KMT2D: variants seen among roughly 807,000 people sequenced by gnomAD.
KMT2D encodes lysine methyltransferase 2D, also known as histone-lysine N-methyltransferase 2D.
KMT2D carries 55 observed loss-of-function variants against 512.7 expected under a neutral mutation model. The ratio of observed to expected loss-of-function variants is 0.11; its 90% confidence interval spans 0.09 to 0.13. The LOEUF (loss-of-function observed/expected upper bound fraction) is 0.13, where lower values mean the gene tolerates loss of function less well. KMT2D is among the 10% of genes least tolerant of loss of function. The pLI, the probability that KMT2D is intolerant of heterozygous loss-of-function variation, is 1.00. For missense variants in KMT2D, 6,061 were observed against 7,127.9 expected (o/e 0.85, Z 5.39); for synonymous variants, 2,995 against 2,904.0 (o/e 1.03, Z -1.01).
intron 35 of KMT2D, 32 bp from the exon 36 acceptor site, chr12:49,034,967 AT>A: frequency 6.2e-7 from 1 of 1,612,434 alleles, no homozygotes. Context: ...GAGCTGGGCT[AT>A]GGGGCCAATG....
In KMT2D at chr12:49,046,424, C is replaced by A. The variant is rs767466146; in HGVS notation, c.4419G>T (p.Trp1473Cys). The change falls in exon 17 of 55, where the codon TGG becomes TGT. Residue 1473 changes from tryptophan (W) to cysteine (C), a missense_variant and splice_region_variant. Trp to Cys is a radical substitution (Grantham distance 215, BLOSUM62 -2). Transcript: ENST00000301067. The surrounding 1 kb of genome is among the most constrained non-coding windows in gnomAD (Gnocchi z 4.2). ...TVPKGGWKCK[W>C]CVSCMQCGAA... is the part of the protein sequence containing the mutation. ...CCCCACACTGCATACAGGACACACA[C>A]CTGATAGGAGCAGGAAAACAGAGCT... 2 of 1,613,368 alleles carry A rather than the reference C, an allele frequency of 1.2e-6. No homozygotes were observed. The highest frequency in any genetic ancestry group is 3.3e-5 in the Admixed American group (2 of 60,000).
At position 49,041,639 on chromosome 12, in the gene KMT2D, G is replaced by A. The variant is rs757184867; in HGVS notation, c.6234+16C>T. On this transcript the variant is annotated intron_variant, in intron 31 of 54. Transcript: ENST00000301067. This position sits in a 1 kb window ranked among gnomAD's most constrained non-coding sequence, Gnocchi z 5.4. ...CCCACTAGAGGACTGCTACACCCCA[G>A]CCCAGCCCCACTCACCTTCTGCACC... is the stretch of plus-strand genomic sequence containing the variant. 1.9e-5 allele frequency: 30 copies of A among 1,613,438 alleles called. No homozygotes were observed. The highest frequency in any genetic ancestry group is 2.5e-5 in the Non-Finnish European group (29 of 1,179,582).
At chr12:49,053,126 G>A (rs1442109235) in intron 8 of KMT2D, 54 bp from the exon 9 acceptor site, 9 of 1,612,392 alleles carry the variant, frequency 5.6e-6, no homozygotes, top group African/African-American at 1.3e-5. Context: ...AAGACTAAAC[G>A]AAAGTACACA....
At chr12:49,048,977 G>C in intron 13 of KMT2D, 128 bp downstream of exon 13, 1 of 720,454 alleles carries the variant, frequency 1.4e-6, no homozygotes, top group Non-Finnish European at 2.4e-6. Context: ...CAAGTGGACA[G>C]GAATTCAGAC....
rs1304886930 is a variant in KMT2D at position 49,033,837 on chromosome 12, T to C, written c.10868A>G (p.Gln3623Arg). 1 of 1,569,390 alleles carries C rather than the reference T, an allele frequency of 6.4e-7. No individual in the cohort carries two copies. Among genetic ancestry groups the C allele is most frequent in the Admixed American group, 1.9e-5 (1 of 52,848 alleles). ...GAGCTTGGTGAGCAGCCGGGGACTCTGGGAAGGGCTGAGAGCCAGCACAGC... is the reference window on the plus strand; with the variant it reads ...GAGCTTGGTGAGCAGCCGGGGACTCCGGGAAGGGCTGAGAGCCAGCACAGC... The part of the protein sequence containing the change: ...HSAVLALSPS[Q>R]SPRLLTKLPG... The change falls in exon 40 of 55, where the codon CAG becomes CGG. Residue 3623 changes from glutamine (Q) to arginine (R), a missense_variant. Transcript: ENST00000301067.
At position 49,040,754 on chromosome 12, in the gene KMT2D, T is replaced by C. The variant is rs1460036894; in HGVS notation, c.7016A>G (p.Glu2339Gly). The C allele has an allele frequency of 1.2e-6, 2 of 1,613,430 alleles. No homozygotes were observed. Among genetic ancestry groups the C allele is most frequent in the Non-Finnish European group, 1.7e-6 (2 of 1,179,676 alleles). The change falls in exon 32 of 55, where the codon GAG becomes GGG. Residue 2339 changes from glutamate to glycine, a missense_variant. Coordinates refer to ENST00000301067, the MANE Select transcript of KMT2D (RefSeq NM_003482.4). ...APLTPRASQV[E>G]PQSPGLGLRP... Reference sequence around the variant, plus strand: ...TAGGCCCAAGCCCGGGCTCTGGGGCTCTACCTGAGATGCCCGAGGGGTCAG... The same window carrying C: ...TAGGCCCAAGCCCGGGCTCTGGGGCCCTACCTGAGATGCCCGAGGGGTCAG...
chr12:49,039,452 G>A lies in KMT2D; in HGVS notation c.8212C>T (p.Pro2738Ser), dbSNP rs1257307993. 1 of 1,600,678 alleles carries A rather than the reference G, an allele frequency of 6.2e-7. No individual in the cohort carries two copies. Residue 2738 changes from proline (P) to serine (S), a missense_variant, in exon 33 of 55, where the codon CCC (proline) becomes TCC (serine). Physicochemically the swap from Pro to Ser is moderately conservative, Grantham distance 74. Around this residue, in one of 16 missense-constraint regions of KMT2D, gnomAD observed 527 missense variants for 578.9 expected, o/e 0.91. Transcript: ENST00000301067. The surrounding 1 kb of genome is among the most constrained non-coding windows in gnomAD (Gnocchi z 5.0). ...AFEQLSRGQT[P>S]FAGTQDKSSL... Reference sequence around the variant, plus strand: ...CTACCTACCTGTGTCCCAGCAAAGGGGGTCTGGCCTCGACTCAGCTGCTCA... The same window carrying A: ...CTACCTACCTGTGTCCCAGCAAAGGAGGTCTGGCCTCGACTCAGCTGCTCA...
intron 41 of KMT2D, 21 bp downstream of exon 41, chr12:49,030,872 G>T (rs1273818761): frequency 8.7e-6 from 14 of 1,613,428 alleles, no homozygotes; most frequent in Non-Finnish European, 1.2e-5. Context: ...GGACCAGGGG[G>T]ACTGTCTCCT....
At chr12:49,030,208 T>C (rs929516311) in intron 43 of KMT2D, 72 bp downstream of exon 43, 7 of 1,346,900 alleles carry the variant, frequency 5.2e-6, no homozygotes, top group Admixed American at 2.0e-5. Flanking sequence ...ATTTCTAAAC[T>C]GTACAGCATA....
Position 49,046,165 on chromosome 12 carries a change from A to G in KMT2D, c.4593T>C (p.His1531=), listed in dbSNP as rs757074598. The change falls in exon 18 of 55, where the codon CAT becomes CAC. Residue 1531 remains histidine, a synonymous_variant. Coordinates refer to ENST00000301067, the MANE Select transcript of KMT2D (RefSeq NM_003482.4). The surrounding 1 kb of genome is among the most constrained non-coding windows in gnomAD (Gnocchi z 4.2). The part of the protein sequence containing the change: ...IQCRHCERWM[H]AGCESLFTED... ...CTGTGAAGAGGCTCTCACAGCCTGC[A>G]TGCATCCACCTGGAGAACAGAGACT... The G allele has an allele frequency of 2.0e-5, 33 of 1,611,622 alleles. No homozygotes were observed. The highest frequency in any genetic ancestry group is 1.0e-4 in the Admixed American group (6 of 59,548).
rs2120605467 is a variant in KMT2D, at chr12:49,046,389, G to A, written c.4454C>T (p.Pro1485Leu). 6.2e-7 allele frequency: 1 copy of A among 1,613,984 alleles called. No homozygotes were observed. Among genetic ancestry groups the A allele is most frequent in the Non-Finnish European group, 8.5e-7 (1 of 1,179,904 alleles). Residue 1485 changes from proline (P) to leucine (L), a missense_variant, in exon 17 of 55, where the codon CCT (proline) becomes CTT (leucine). This residue lies in a region of KMT2D where 640 missense variants were observed against 814.3 expected (regional missense o/e 0.79). Transcript: ENST00000301067. This position sits in a 1 kb window ranked among gnomAD's most constrained non-coding sequence, Gnocchi z 4.2. ...ATTCTGCCATTCACAGTGGAAGCCA[G>A]GGGAAGCAGCCCCACACTGCATACA... ...VSCMQCGAAS[P>L]GFHCEWQNSY... is the part of the protein sequence containing the mutation.
chr12:49,021,696 G>T lies in KMT2D; in HGVS notation c.*84C>A. 4.2e-6 allele frequency: 5 copies of T among 1,193,526 alleles called. No individual in the cohort carries two copies. The highest frequency in any genetic ancestry group is 6.1e-6 in the Non-Finnish European group (5 of 819,244). 73.9% of individuals were successfully genotyped at this position (1,193,526 alleles called of 1,614,324 possible). On this transcript the variant is annotated 3_prime_UTR_variant, in exon 55 of 55. Coordinates refer to ENST00000301067, the MANE Select transcript of KMT2D (RefSeq NM_003482.4). ...GCCCCAACCCTGGGTCCTGGCTCTG[G>T]CTGCTACCTCTCTTCCCCCTCATCC...
rs766287628 is a variant in KMT2D at position 49,050,808 on chromosome 12, AAAG to A, written c.2798-21_2798-19del. The A allele has an allele frequency of 4.4e-6, 7 of 1,590,620 alleles. No individual in the cohort carries two copies. The Admixed American group carries it at 5.2e-5, about 12-fold the overall frequency. On this transcript the variant is annotated intron_variant, in intron 11 of 54. Coordinates refer to ENST00000301067, the MANE Select transcript of KMT2D (RefSeq NM_003482.4). ...AAGGGGATCTGGAAGGAAAGAGAAA[AAAG>A]AAGGGCTCTTAGATTAGATGTGCCA...
In KMT2D at chr12:49,052,278, G is replaced by C. The variant is rs767236955; in HGVS notation, c.1405C>G (p.Pro469Ala). The C allele has an allele frequency of 6.2e-6, 10 of 1,606,436 alleles. No individual in the cohort carries two copies. The South Asian group carries it at 8.9e-5, about 14-fold the overall frequency. Reference protein sequence around the residue: ...SPPPEASRLSPPPEELPASPL... With the variant: ...SPPPEASRLSAPPEELPASPL... Reference sequence around the variant, plus strand: ...GATGCGGGCAATTCCTCAGGTGGTGGTGACAGGCGTGATGCCTCAGGTGGT... The same window carrying C: ...GATGCGGGCAATTCCTCAGGTGGTGCTGACAGGCGTGATGCCTCAGGTGGT... Residue 469 changes from proline (P) to alanine (A), a missense_variant, in exon 11 of 55, where the codon CCA (proline) becomes GCA (alanine). This residue lies in a region of KMT2D where 848 missense variants were observed against 838.5 expected (regional missense o/e 1.01). Transcript: ENST00000301067.
Position 49,021,079 on chromosome 12 carries a change from C to CA in KMT2D, c.*700dup. ...GAGAGGGTCTCACATTTCAAAACAG[C>CA]AAAAAATCCAACACTTAAATGAGGT... is the stretch of plus-strand genomic sequence containing the variant. On this transcript the variant is annotated 3_prime_UTR_variant, in exon 55 of 55. Coordinates refer to ENST00000301067, the MANE Select transcript of KMT2D (RefSeq NM_003482.4). 5.0e-6 allele frequency: 1 copy of CA among 199,914 alleles called. No homozygotes were observed. Among genetic ancestry groups the CA allele is most frequent in the Non-Finnish European group, 1.0e-5 (1 of 96,764 alleles). The allele number at this position is 199,914 out of a possible 1,614,324, so 12.4% of individuals were successfully genotyped here.
At position 49,030,231 on chromosome 12, in the gene KMT2D, G is replaced by A. The variant is rs1379002732; in HGVS notation, c.13999+49C>T. The A allele has an allele frequency of 4.6e-6, 7 of 1,520,898 alleles. No homozygotes were observed. The South Asian group carries it at 8.3e-5, about 18-fold the overall frequency. 94.2% of individuals were successfully genotyped at this position (1,520,898 alleles called of 1,614,324 possible). On this transcript the variant is annotated intron_variant, in intron 43 of 54. Coordinates refer to ENST00000301067, the MANE Select transcript of KMT2D (RefSeq NM_003482.4). Reference sequence around the variant, plus strand: ...ACTGTACAGCATACTAACTGGTTTGGACTCCAGCTACCAAACTCCACCAGG... The same window carrying A: ...ACTGTACAGCATACTAACTGGTTTGAACTCCAGCTACCAAACTCCACCAGG...
At position 49,033,278 on chromosome 12, in the gene KMT2D, C is replaced by T; in HGVS notation, c.11427G>A (p.Val3809=). Reference sequence around the variant, plus strand: ...AAGCTCCAGGGTGCTGCTGCTGCAACACAGCCACCTGGGCAGGGCCCAGCA... The same window carrying T: ...AAGCTCCAGGGTGCTGCTGCTGCAATACAGCCACCTGGGCAGGGCCCAGCA... ...QGMLGPAQVA[V]LQQQHPGALG... Residue 3809 remains valine (V), a synonymous_variant, in exon 40 of 55, where the codon GTG becomes GTA. Transcript: ENST00000301067. 1.9e-6 allele frequency: 3 copies of T among 1,572,272 alleles called. No homozygotes were observed. The highest frequency in any genetic ancestry group is 1.2e-5 in the South Asian group (1 of 85,592).
chr12:49,027,754 G>A (rs528720221), intron 48 of KMT2D, 49 bp downstream of exon 48: 34 of 1,551,116 alleles, frequency 2.2e-5, no homozygotes, highest in African/African-American at 4.1e-5. Flanking sequence ...GCGCCTGGCC[G>A]GCAGCCCCTT....
At position 49,046,825 on chromosome 12, in the gene KMT2D, G is replaced by A. The variant is rs1447787262; in HGVS notation, c.4237-35C>T. On this transcript the variant is annotated intron_variant, in intron 15 of 54. Transcript: ENST00000301067. This position sits in a 1 kb window ranked among gnomAD's most constrained non-coding sequence, Gnocchi z 4.2. Reference sequence around the variant, plus strand: ...AAGATGGGAACTTCTCAGGGTGTGAGGTGGAAAAGAGGTAGAACTTCTTTT... The same window carrying A: ...AAGATGGGAACTTCTCAGGGTGTGAAGTGGAAAAGAGGTAGAACTTCTTTT... 2 of 1,576,462 alleles carry A rather than the reference G, an allele frequency of 1.3e-6. No homozygotes were observed. Among genetic ancestry groups the A allele is most frequent in the African/African-American group, 2.7e-5 (2 of 73,682 alleles).
Sources: allele counts gnomAD v4.1 joint callset, GRCh38; gene constraint gnomAD v4.1.1; regional missense constraint gnomAD v4.1.1; non-coding constraint Gnocchi (gnomAD v3.1); transcripts MANE v1.5; gene names NCBI Gene and HGNC (gene_info 2026-07-23, HGNC 2026-07-21).